The following ZBTB49 variants were observed in gnomAD, a reference collection of about 807,000 sequenced individuals.
The protein encoded by ZBTB49 is zinc finger and BTB domain containing 49.
In ZBTB49, 43 loss-of-function variants were observed where a neutral mutation model predicts 57.5. That is an observed-to-expected ratio of 0.75 (90% CI 0.59 to 0.97). The LOEUF is 0.97. Among genes scored for constraint, ZBTB49 ranks in the 50% least tolerant of loss-of-function variants. The pLI, the probability that ZBTB49 is intolerant of heterozygous loss-of-function variation, is 0.00. For synonymous variants in ZBTB49, 369 were observed against 362.1 expected, an observed-to-expected ratio of 1.02 and a Z score of -0.22; for missense variants, 938 against 947.7, an observed-to-expected ratio of 0.99 and a Z score of 0.13.
rs1022343720 is a variant in ZBTB49, at chr4:4,320,793, G to C, written c.1775G>C (p.Ser592Thr). ...ATGCACTGCAAAGCTGGTGACGAGA[G>C]CCCAGATGTGCTGGAGGAGCTCAGC... ...KKMHCKAGDE[S>T]PDVLEELSQA... The change falls in exon 8 of 8, where the codon AGC becomes ACC. Residue 592 changes from serine to threonine, a missense_variant. Physicochemically the swap from Ser to Thr is moderately conservative, Grantham distance 58. Coordinates refer to ENST00000337872, the MANE Select transcript of ZBTB49 (RefSeq NM_145291.4). 5.6e-6 allele frequency: 9 copies of C among 1,614,046 alleles called. No individual in the cohort carries two copies. In the African/African-American group the frequency reaches 1.2e-4, roughly 22 times the overall value.
intron 7 of ZBTB49, among the ~76,000 whole-genome samples, chr4:4,317,634 G>A (rs950333322): frequency 4.6e-5 from 7 of 151,974 alleles, no homozygotes; most frequent in Admixed American, 1.3e-4. Context: ...ATGAACATCC[G>A]TGTACCAAGG....
chr4:4,307,491 C>T (rs1560111331), intron 4 of ZBTB49, among the ~76,000 whole-genome samples: 2 of 152,180 alleles, frequency 1.3e-5, no homozygotes, highest in South Asian at 2.1e-4. Flanking sequence ...CTGTGAAACA[C>T]GGATAACAAG....
intron 4 of ZBTB49, 124 bp downstream of exon 4, chr4:4,306,308 T>A: frequency 1.3e-6 from 1 of 789,462 alleles, no homozygotes; most frequent in Non-Finnish European, 2.1e-6. Flanking sequence ...ACTTAAAGAC[T>A]TCAGAATAAA....
intron 1 of ZBTB49, among the ~76,000 whole-genome samples, chr4:4,290,990 G>A (rs1291521797): frequency 6.6e-6 from 1 of 152,200 alleles, no homozygotes; most frequent in African/African-American, 2.4e-5. Context: ...GGCACACAGT[G>A]GTGGTCACTA....
intron 5 of ZBTB49, among the ~76,000 whole-genome samples, chr4:4,313,322 A>AT (rs1721056451): frequency 6.6e-6 from 1 of 152,270 alleles, no homozygotes; most frequent in Non-Finnish European, 1.5e-5. Context: ...CAAAGAAAGA[A>AT]AAGCTGGGAC....
At chr4:4,294,975 G>T (rs1052423189) in intron 1 of ZBTB49, among the ~76,000 whole-genome samples, 30 of 151,740 alleles carry the variant, frequency 2.0e-4, no homozygotes, top group African/African-American at 6.8e-4. Flanking sequence ...TCCAGTGTTT[G>T]GGGGCCAGGA....
Position 4,312,960 on chromosome 4 carries a change from C to T in ZBTB49, c.1303-81C>T, listed in dbSNP as rs1721037075. On this transcript the variant is annotated intron_variant, in intron 4 of 7. Coordinates refer to ENST00000337872, the MANE Select transcript of ZBTB49 (RefSeq NM_145291.4). The stretch of plus-strand genomic sequence containing the variant: ...TGAATTGGAACCTGGCTAAATGTGT[C>T]AGTTTTCCTTTTGAATTTATATAAT... 5 of 1,428,128 alleles carry T rather than the reference C, an allele frequency of 3.5e-6. No homozygotes were observed. In the East Asian group the frequency reaches 1.2e-4, roughly 35 times the overall value. The allele number at this position is 1,428,128 out of a possible 1,614,324, so 88.5% of individuals were successfully genotyped here. A position where few individuals can be genotyped will look rare whatever the true frequency, so the allele number is the denominator to read the frequency against.
intron 4 of ZBTB49, among the ~76,000 whole-genome samples, chr4:4,310,354 TC>T (rs1720930890): frequency 6.6e-6 from 1 of 152,192 alleles, no homozygotes; most frequent in Admixed American, 6.5e-5. Flanking sequence ...GTTACTAACC[TC>T]TCAGAGCCTC....
chr4:4,297,005 C>T (rs1029827733), intron 1 of ZBTB49, among the ~76,000 whole-genome samples: 2 of 152,168 alleles, frequency 1.3e-5, no homozygotes, highest in Non-Finnish European at 2.9e-5. Flanking sequence ...AAATTTGGAA[C>T]TGAGAAAAAT....
chr4:4,304,944 G>GA (rs10623694), intron 3 of ZBTB49, among the ~76,000 whole-genome samples: 1 of 151,766 alleles, frequency 6.6e-6, no homozygotes, highest in Non-Finnish European at 1.5e-5. Flanking sequence ...TCAATTTTAA[G>GA]GTGAAGGGGT....
At chr4:4,293,730 A>G (rs1347503281) in intron 1 of ZBTB49, among the ~76,000 whole-genome samples, 1 of 152,220 alleles carries the variant, frequency 6.6e-6, no homozygotes, top group African/African-American at 2.4e-5. Flanking sequence ...AGAGGTCAGG[A>G]TGGCTTTCCT....
intron 1 of ZBTB49, among the ~76,000 whole-genome samples, chr4:4,292,611 GT>G (rs1309088523): frequency 6.6e-6 from 1 of 152,156 alleles, no homozygotes; most frequent in Non-Finnish European, 1.5e-5. Flanking sequence ...AAGATTCCAG[GT>G]TTGTTGCTTC....
At chr4:4,316,061 T>C (rs1333416180) in intron 7 of ZBTB49, 91 bp downstream of exon 7, 5 of 1,496,030 alleles carry the variant, frequency 3.3e-6, no homozygotes, top group Non-Finnish European at 4.5e-6. Flanking sequence ...GTGTCTGGGA[T>C]GAGCCCTTTG....
chr4:4,301,896 A>G, intron 2 of ZBTB49, 93 bp from the exon 3 acceptor site: 1 of 1,216,532 alleles, frequency 8.2e-7, no homozygotes, highest in Non-Finnish European at 1.1e-6. Context: ...ACAGAAGGAT[A>G]GTATTTTTTA....
intron 1 of ZBTB49, among the ~76,000 whole-genome samples, chr4:4,298,818 C>T (rs956913262): frequency 6.6e-6 from 1 of 152,182 alleles, no homozygotes. Context: ...TACTAGACTG[C>T]GCCCTAGACA....
intron 1 of ZBTB49, among the ~76,000 whole-genome samples, chr4:4,293,819 G>A (rs11728549): frequency 6.6e-6 from 1 of 152,148 alleles, no homozygotes; most frequent in African/African-American, 2.4e-5. Flanking sequence ...GCCTTCCATA[G>A]CCACTGTTCT....
At position 4,302,212 on chromosome 4, in the gene ZBTB49, C is replaced by T. The variant is rs780046525; in HGVS notation, c.376C>T (p.Pro126Ser). The T allele has an allele frequency of 2.0e-5, 33 of 1,614,134 alleles. No homozygotes were observed. Among genetic ancestry groups the T allele is most frequent in the Non-Finnish European group, 2.7e-5 (32 of 1,180,048 alleles). The change falls in exon 3 of 8, where the codon CCT becomes TCT. Residue 126 changes from proline to serine, a missense_variant. Physicochemically the swap from Pro to Ser is moderately conservative, Grantham distance 74. Coordinates refer to ENST00000337872, the MANE Select transcript of ZBTB49 (RefSeq NM_145291.4). ...AAAATCAGCCACTGTAGTACAGCCA[C>T]CTGGCATGCCTTGTAATAGTACATT... The part of the protein sequence containing the change: ...FLKSATVVQP[P>S]GMPCNSTLSL...
chr4:4,294,204 A>AT (rs1013181352), intron 1 of ZBTB49, among the ~76,000 whole-genome samples: 1 of 152,002 alleles, frequency 6.6e-6, no homozygotes, highest in African/African-American at 2.4e-5. Context: ...GTAAGATACA[A>AT]TTTTTTTTCC....
Position 4,302,057 on chromosome 4 carries a change from G to T in ZBTB49, c.221G>T (p.Gly74Val). Reference sequence around the variant, plus strand: ...CACTTGGATGTTAAAAATGTCAGTGGCATAGGGCAGATCCTGGACTTCATG... The same window carrying T: ...CACTTGGATGTTAAAAATGTCAGTGTCATAGGGCAGATCCTGGACTTCATG... ...VFHLDVKNVSGIGQILDFMYT... is the reference protein window; with the variant it reads ...VFHLDVKNVSVIGQILDFMYT... The change falls in exon 3 of 8, where the codon GGC becomes GTC. Residue 74 changes from glycine (G) to valine (V), a missense_variant. Gly to Val is a moderately radical substitution (Grantham distance 109, BLOSUM62 -3). Transcript: ENST00000337872. The T allele has an allele frequency of 1.2e-6, 2 of 1,611,150 alleles. No homozygotes were observed. Among genetic ancestry groups the T allele is most frequent in the Non-Finnish European group, 1.7e-6 (2 of 1,178,184 alleles).
Sources: allele counts gnomAD v4.1 joint callset (sites outside exome capture counted in the v4.1 genomes callset), GRCh38; gene constraint gnomAD v4.1.1; transcripts MANE v1.5; gene names NCBI Gene and HGNC (gene_info 2026-07-23, HGNC 2026-07-21).